SCUBE1: variants seen among roughly 807,000 people sequenced by gnomAD.
SCUBE1 encodes signal peptide, CUB domain and EGF like domain containing 1, also known as signal peptide, CUB and EGF-like domain-containing protein 1.
A neutral mutation model predicts 124.4 loss-of-function variants in SCUBE1; 59 were observed. That is an observed-to-expected ratio of 0.47 (90% CI 0.38 to 0.59). The LOEUF (loss-of-function observed/expected upper bound fraction) is 0.59, where lower values mean the gene tolerates loss of function less well. Among genes scored for constraint, SCUBE1 ranks in the 20% least tolerant of loss-of-function variants. The pLI is 0.00. For missense variants in SCUBE1, 1,150 were observed against 1,371.2 expected, an observed-to-expected ratio of 0.84 and a Z score of 2.55; for synonymous variants, 545 against 550.9, an observed-to-expected ratio of 0.99 and a Z score of 0.15.
At chr22:43,212,720 G>A (rs1350805898) in intron 16 of SCUBE1, 128 bp from the exon 17 acceptor site, 3 of 952,820 alleles carry the variant, frequency 3.1e-6, no homozygotes, top group Non-Finnish European at 4.6e-6. Flanking sequence ...CGAGGCCTGG[G>A]GTGGGGACGG....
chr22:43,333,042 A>G (rs1926953739), intron 2 of SCUBE1, among the ~76,000 whole-genome samples: 1 of 152,154 alleles, frequency 6.6e-6, no homozygotes, highest in Non-Finnish European at 1.5e-5. Flanking sequence ...AGGAGCTCAC[A>G]TTCCAGGAGG....
intron 11 of SCUBE1, 146 bp from the exon 12 acceptor site, chr22:43,222,888 T>C (rs770228959): frequency 2.1e-4 from 200 of 934,394 alleles, no homozygotes; most frequent in Non-Finnish European, 2.8e-4. Flanking sequence ...CACAGGGAAG[T>C]GGCCAGGAGG....
intron 15 of SCUBE1, among the ~76,000 whole-genome samples, chr22:43,217,178 C>A (rs920502701): frequency 6.8e-6 from 1 of 146,592 alleles, no homozygotes; most frequent in Non-Finnish European, 1.5e-5. Context: ...GGTATCATTT[C>A]TTCTCCTCCG....
chr22:43,304,855 T>A (rs1362894263), intron 3 of SCUBE1, among the ~76,000 whole-genome samples: 2 of 151,954 alleles, frequency 1.3e-5, no homozygotes, highest in East Asian at 3.9e-4. Flanking sequence ...CCCCACACCA[T>A]CCCTTTGCAC....
rs1920972225 is a variant in SCUBE1, at chr22:43,199,516, A to C, written c.*4481T>G. The C allele has an allele frequency of 1.3e-5, 2 of 151,354 alleles. No individual in the cohort carries two copies. Among genetic ancestry groups the C allele is most frequent in the African/African-American group, 4.9e-5 (2 of 40,798 alleles). The allele number at this position is 151,354 out of a possible 1,614,324, so 9.4% of individuals were successfully genotyped here. The stretch of plus-strand genomic sequence containing the variant: ...CTGGGGATGTTTTGGCCCGTGTTTC[A>C]GCTCTACTTTATCTGTGTGTCCTAA... On this transcript the variant is annotated 3_prime_UTR_variant, in exon 22 of 22. Coordinates refer to ENST00000360835, the MANE Select transcript of SCUBE1 (RefSeq NM_173050.5).
At chr22:43,264,295 G>A (rs1923981330) in intron 4 of SCUBE1, among the ~76,000 whole-genome samples, 1 of 152,200 alleles carries the variant, frequency 6.6e-6, no homozygotes, top group African/African-American at 2.4e-5. Context: ...TCTTAGAAGG[G>A]GCAGGATCAC....
chr22:43,255,432 G>A lies in SCUBE1; in HGVS notation c.727+2787C>T. ...GCCAGTGCGCACCCGAGACACACAT[G>A]TGCACACACACACACAAGTGCAAGT... On this transcript the variant is annotated intron_variant, in intron 6 of 21. Transcript: ENST00000360835. The surrounding 1 kb of genome is among the most constrained non-coding windows in gnomAD (Gnocchi z 4.7). The A allele has an allele frequency of 7.0e-7, 1 of 1,434,064 alleles. No individual in the cohort carries two copies. The highest frequency in any genetic ancestry group is 2.0e-5 in the Admixed American group (1 of 50,826). The allele number at this position is 1,434,064 out of a possible 1,614,324, so 88.8% of individuals were successfully genotyped here.
chr22:43,211,094 A>G lies in SCUBE1; in HGVS notation c.2222-11T>C. ...CGGGGGAGCAGTGCACTGCCGGGGG[A>G]CACAAGGCAGTGTGGTGGGTGTGGA... On this transcript the variant is annotated splice_polypyrimidine_tract_variant and intron_variant, in intron 17 of 21. Transcript: ENST00000360835. The surrounding 1 kb of genome is among the most constrained non-coding windows in gnomAD (Gnocchi z 4.5). 1 of 1,602,868 alleles carries G rather than the reference A, an allele frequency of 6.2e-7. No homozygotes were observed. Among genetic ancestry groups the G allele is most frequent in the Non-Finnish European group, 8.5e-7 (1 of 1,174,522 alleles).
intron 3 of SCUBE1, among the ~76,000 whole-genome samples, chr22:43,292,657 C>A (rs564865680): frequency 5.3e-5 from 8 of 151,062 alleles, no homozygotes; most frequent in Non-Finnish European, 8.8e-5. Context: ...ACTATTGGAA[C>A]CAAAAGGATG....
Position 43,255,646 on chromosome 22 carries a change from C to A in SCUBE1, c.727+2573G>T. 2 of 1,346,504 alleles carry A rather than the reference C, an allele frequency of 1.5e-6. No homozygotes were observed. The highest frequency in any genetic ancestry group is 2.5e-5 in the East Asian group (1 of 39,936). The allele number at this position is 1,346,504 out of a possible 1,614,324, so 83.4% of individuals were successfully genotyped here. A position where few individuals can be genotyped will look rare whatever the true frequency, so the allele number is the denominator to read the frequency against. ...ACAGCCCACTTCCCGCGGCCCAAGA[C>A]AGTCAGCCTCTCGGCGTGGCGCACG... On this transcript the variant is annotated intron_variant, in intron 6 of 21. Transcript: ENST00000360835. The surrounding 1 kb of genome is among the most constrained non-coding windows in gnomAD (Gnocchi z 4.7).
At chr22:43,276,555 T>C (rs890872539) in intron 4 of SCUBE1, among the ~76,000 whole-genome samples, 6 of 152,112 alleles carry the variant, frequency 3.9e-5, no homozygotes, top group African/African-American at 1.4e-4. Context: ...TAGGGAGGGC[T>C]CACACCACTC....
chr22:43,218,583 A>C, intron 14 of SCUBE1, 125 bp from the exon 15 acceptor site: 3 of 933,472 alleles, frequency 3.2e-6, no homozygotes, highest in Non-Finnish European at 4.9e-6. Flanking sequence ...CATTCTCACA[A>C]CAGTCCTGGG....
chr22:43,269,446 G>A (rs1298965452), intron 4 of SCUBE1, among the ~76,000 whole-genome samples: 3 of 152,212 alleles, frequency 2.0e-5, no homozygotes, highest in East Asian at 1.9e-4. Flanking sequence ...GTACTTAGGA[G>A]TGGGGCCTTT....
At chr22:43,307,618 T>A (rs1926018338) in intron 3 of SCUBE1, among the ~76,000 whole-genome samples, 1 of 152,126 alleles carries the variant, frequency 6.6e-6, no homozygotes, top group African/African-American at 2.4e-5. Flanking sequence ...GGTTCCAAAC[T>A]GAGGTCCAGA....
chr22:43,217,395 C>T (rs981054426), intron 15 of SCUBE1, among the ~76,000 whole-genome samples: 10 of 151,388 alleles, frequency 6.6e-5, no homozygotes, highest in African/African-American at 1.9e-4. Flanking sequence ...GGGATTTGGC[C>T]GGCGTCAGGA....
intron 12 of SCUBE1, among the ~76,000 whole-genome samples, chr22:43,221,923 G>A (rs1922106980): frequency 1.3e-5 from 2 of 152,162 alleles, no homozygotes; most frequent in African/African-American, 4.8e-5. Flanking sequence ...AATTAGCCAG[G>A]TGTGGTGATG....
At chr22:43,209,889 G>A (rs1921465973) in intron 19 of SCUBE1, among the ~76,000 whole-genome samples, 154 bp downstream of exon 19, 1 of 152,216 alleles carries the variant, frequency 6.6e-6, no homozygotes, top group Admixed American at 6.5e-5. Flanking sequence ...TTTCAACCCT[G>A]CCTCCCAGGT....
In SCUBE1 at chr22:43,262,925, G is replaced by A. The variant is rs557301692; in HGVS notation, c.485-80C>T. The A allele has an allele frequency of 1.6e-3, 2,303 of 1,483,004 alleles. 12 individuals are homozygous for A. The highest frequency in any genetic ancestry group is 6.7e-3 in the South Asian group (569 of 85,550). 91.9% of individuals were successfully genotyped at this position (1,483,004 alleles called of 1,614,324 possible). A position where few individuals can be genotyped will look rare whatever the true frequency, so the allele number is the denominator to read the frequency against. ...GAAAATTTCAGGCTGAAAGGGGATA[G>A]CCAATGATATGTAACAATCAAATGG... On this transcript the variant is annotated intron_variant, in intron 4 of 21. Transcript: ENST00000360835.
chr22:43,258,304 C>T lies in SCUBE1; in HGVS notation c.642G>A (p.Gln214=). Residue 214 remains glutamine (Q), a synonymous_variant, in exon 6 of 22, where the codon CAG becomes CAA. Coordinates refer to ENST00000360835, the MANE Select transcript of SCUBE1 (RefSeq NM_173050.5). The surrounding 1 kb of genome is among the most constrained non-coding windows in gnomAD (Gnocchi z 5.0). ...LTCNYGNGGC[Q]HSCEDTDTGP... ...CTGTGTCTGTGTCCTCACAGCTGTGCTGGCAGCCTCCGTTTCCATAATTAC... is the reference window on the plus strand; with the variant it reads ...CTGTGTCTGTGTCCTCACAGCTGTGTTGGCAGCCTCCGTTTCCATAATTAC... The T allele has an allele frequency of 6.2e-7, 1 of 1,614,104 alleles. No individual in the cohort carries two copies. Among genetic ancestry groups the T allele is most frequent in the Non-Finnish European group, 8.5e-7 (1 of 1,179,936 alleles).
Sources: allele counts gnomAD v4.1 joint callset (sites outside exome capture counted in the v4.1 genomes callset), GRCh38; gene constraint gnomAD v4.1.1; non-coding constraint Gnocchi (gnomAD v3.1); transcripts MANE v1.5; gene names NCBI Gene and HGNC (gene_info 2026-07-23, HGNC 2026-07-21).